Variants in FLYWCH1 observed in about 807,000 individuals in gnomAD.
The protein encoded by FLYWCH1 is FLYWCH-type zinc finger-containing protein 1.
A neutral mutation model predicts 66.4 loss-of-function variants in FLYWCH1; 75 were observed. The ratio of observed to expected loss-of-function variants is 1.13; its 90% CI spans 0.94 to 1.37. The LOEUF (loss-of-function observed/expected upper bound fraction) is 1.37. FLYWCH1 is among the 40% of genes most tolerant of loss of function. FLYWCH1 has a pLI of 0.00. For missense variants in FLYWCH1, 1,334 were observed against 1,001.8 expected (o/e 1.33, Z -4.48); for synonymous variants, 595 against 429.9 (o/e 1.38, Z -4.75).
chr16:2,914,467 G>A (rs1441026958), intron 2 of FLYWCH1, among the ~76,000 whole-genome samples, 178 bp downstream of exon 2: 1 of 152,196 alleles, frequency 6.6e-6, no homozygotes, highest in Non-Finnish European at 1.5e-5. Flanking sequence ...TAGGCCATCT[G>A]GCATTGCACT....
chr16:2,920,505 C>G lies in FLYWCH1; in HGVS notation c.-74+6216C>G, dbSNP rs554536723. ...CTCCAGCCTGGGTGGCCGTGAGACT[C>G]TGTCTTAAAAAAAAAAAAAAACACT... is the stretch of plus-strand genomic sequence containing the variant. On this transcript the variant is annotated intron_variant, in intron 2 of 9. Transcript: ENST00000253928. 8.1e-5 allele frequency among the ~76,000 whole-genome samples: 11 copies of G among 136,436 alleles called. No individual in the cohort carries two copies. In the South Asian group the frequency reaches 2.7e-3, roughly 34 times the overall value. The allele number at this position is 136,436 out of a possible 152,430, so 89.5% of individuals were successfully genotyped here.
rs749841044 is a variant in FLYWCH1, at chr16:2,948,568, T to C, written c.2112-120T>C. Reference sequence around the variant, plus strand: ...ACAGAGCAAGATTCCGTCTCAAAAATAAATGTTCTAGACTGTGGCATCCCC... The same window carrying C: ...ACAGAGCAAGATTCCGTCTCAAAAACAAATGTTCTAGACTGTGGCATCCCC... On this transcript the variant is annotated intron_variant, in intron 9 of 9. Transcript: ENST00000253928. The C allele has an allele frequency of 2.9e-4, 305 of 1,050,060 alleles. 1 individual carries two copies. The highest frequency in any genetic ancestry group is 3.9e-4 in the Admixed American group (19 of 48,584). The allele number at this position is 1,050,060 out of a possible 1,614,324, so 65.0% of individuals were successfully genotyped here.
chr16:2,923,525 C>T (rs928865350), intron 2 of FLYWCH1, among the ~76,000 whole-genome samples: 11 of 152,116 alleles, frequency 7.2e-5, no homozygotes, highest in African/African-American at 2.2e-4. Context: ...GGATGGCAGG[C>T]GTGAGCCACA....
Position 2,933,164 on chromosome 16 carries a change from C to G in FLYWCH1, c.831C>G (p.Cys277Trp), listed in dbSNP as rs1048538609. ...QARPLEFLRT[C>W]YGGSFLVHES... ...GGCCCCTCGAGTTCCTGAGGACGTGCTACGGGGGCAGCTTCCTGGTACACG... is the reference window on the plus strand; with the variant it reads ...GGCCCCTCGAGTTCCTGAGGACGTGGTACGGGGGCAGCTTCCTGGTACACG... Residue 277 changes from cysteine (C) to tryptophan (W), a missense_variant, in exon 5 of 10, where the codon TGC (cysteine) becomes TGG (tryptophan). Coordinates refer to ENST00000253928, the MANE Select transcript of FLYWCH1 (RefSeq NM_001308068.2). The G allele has an allele frequency of 2.5e-6, 4 of 1,613,672 alleles. No homozygotes were observed. The highest frequency in any genetic ancestry group is 2.2e-5 in the East Asian group (1 of 44,856).
intron 8 of FLYWCH1, 104 bp downstream of exon 8, chr16:2,938,560 G>T (rs1000739076): frequency 1.3e-5 from 14 of 1,038,070 alleles, no homozygotes; most frequent in Admixed American, 3.1e-5. Context: ...GACTGCTTTT[G>T]TGCACACACA....
At position 2,944,047 on chromosome 16, in the gene FLYWCH1, G is replaced by A. The variant is rs374614213; in HGVS notation, c.2111+3955G>A. Among the ~76,000 whole-genome samples, 115 of 152,084 alleles carry A rather than the reference G, an allele frequency of 7.6e-4. 4 individuals carry two copies. The South Asian group carries it at 0.012, about 16-fold the overall frequency. On this transcript the variant is annotated intron_variant, in intron 9 of 9. Coordinates refer to ENST00000253928, the MANE Select transcript of FLYWCH1 (RefSeq NM_001308068.2). ...GGAGGTTGAGGCTGCAGTGAGCTGT[G>A]ATCATGCATCTACACTCCAGCCCAG...
At chr16:2,938,677 A>G (rs1441306884) in intron 8 of FLYWCH1, among the ~76,000 whole-genome samples, 22 of 142,008 alleles carry the variant, frequency 1.5e-4, no homozygotes, top group African/African-American at 5.8e-4. Flanking sequence ...CACTGGCGCG[A>G]TCTCGGCTCA....
chr16:2,921,054 G>C (rs1489574612), intron 2 of FLYWCH1, among the ~76,000 whole-genome samples: 1 of 150,246 alleles, frequency 6.7e-6, no homozygotes, highest in Non-Finnish European at 1.5e-5. Context: ...TGTTAGCCCG[G>C]ATGGTCTCGA....
intron 2 of FLYWCH1, chr16:2,928,745 T>C (rs2070657231): frequency 6.6e-6 from 1 of 152,274 alleles, no homozygotes; most frequent in Non-Finnish European, 1.5e-5. Context: ...CCCCACACCA[T>C]GACTGCCACT....
At chr16:2,944,162 G>T (rs569091297) in intron 9 of FLYWCH1, among the ~76,000 whole-genome samples, 17 of 151,564 alleles carry the variant, frequency 1.1e-4, no homozygotes, top group Non-Finnish European at 2.2e-4. Context: ...TGAGGCGGGC[G>T]GATCACCTGA....
At chr16:2,936,665 TTCC>T (rs754349899) in intron 6 of FLYWCH1, 21 of 459,962 alleles carry the variant, frequency 4.6e-5, no homozygotes, top group Non-Finnish European at 8.3e-5. Context: ...TCCCTGCCTC[TTCC>T]TCAGAGTCCT....
At position 2,929,623 on chromosome 16, in the gene FLYWCH1, C is replaced by T. The variant is rs569166141; in HGVS notation, c.-63C>T. ...TGCTTCCTTCCTTAGGACGGAACCA[C>T]TGCACTCCAGGTTCCTTGCTGGGTG... is the stretch of plus-strand genomic sequence containing the variant. On this transcript the variant is annotated 5_prime_UTR_variant, in exon 3 of 10. Coordinates refer to ENST00000253928, the MANE Select transcript of FLYWCH1 (RefSeq NM_001308068.2). 398 of 1,534,206 alleles carry T rather than the reference C, an allele frequency of 2.6e-4. No individual in the cohort carries two copies. The highest frequency in any genetic ancestry group is 1.9e-4 in the Non-Finnish European group (217 of 1,139,292).
intron 9 of FLYWCH1, among the ~76,000 whole-genome samples, chr16:2,940,964 C>G (rs1270288516): frequency 1.3e-5 from 2 of 152,138 alleles, no homozygotes; most frequent in Non-Finnish European, 2.9e-5. Flanking sequence ...AACCCCATCT[C>G]TACTAAAAAT....
chr16:2,934,087 C>A, intron 6 of FLYWCH1, 108 bp downstream of exon 6: 1 of 1,305,980 alleles, frequency 7.7e-7, no homozygotes, highest in Non-Finnish European at 1.0e-6. Flanking sequence ...CTCTTCCCTT[C>A]TTTGAACATC....
At chr16:2,935,926 T>C (rs2070979494) in intron 6 of FLYWCH1, 1 of 153,576 alleles carries the variant, frequency 6.5e-6, no homozygotes. Flanking sequence ...TTTTTTTTTT[T>C]TTGAGACAGT....
rs2070846955 is a variant in FLYWCH1 at position 2,933,359 on chromosome 16, G to A, written c.1026G>A (p.Arg342=). 2 of 1,603,984 alleles carry A rather than the reference G, an allele frequency of 1.2e-6. No individual in the cohort carries two copies. The highest frequency in any genetic ancestry group is 8.5e-7 in the Non-Finnish European group (1 of 1,175,884). The stretch of plus-strand genomic sequence containing the variant: ...ATATGGAGGGCCTGGAAGCCCGGCG[G>A]CAGCAGGAGAAGGCCGTGGAGACGC... The part of the protein sequence containing the change: ...QPDMEGLEAR[R]QQEKAVETLQ... Residue 342 remains arginine, a synonymous_variant, in exon 5 of 10, where the codon CGG becomes CGA. Transcript: ENST00000253928.
At chr16:2,941,068 C>A (rs2071243203) in intron 9 of FLYWCH1, among the ~76,000 whole-genome samples, 1 of 152,170 alleles carries the variant, frequency 6.6e-6, no homozygotes, top group Admixed American at 6.5e-5. Context: ...CACTGCACTC[C>A]AGCCTAGGTG....
intron 4 of FLYWCH1, among the ~76,000 whole-genome samples, chr16:2,932,807 C>T (rs1382515347): frequency 6.6e-6 from 1 of 151,750 alleles, no homozygotes; most frequent in Non-Finnish European, 1.5e-5. Flanking sequence ...CTTGATGCAA[C>T]ATTGAGCAGG....
chr16:2,937,560 G>A (rs904672470), intron 7 of FLYWCH1, among the ~76,000 whole-genome samples, 176 bp downstream of exon 7: 5 of 152,216 alleles, frequency 3.3e-5, no homozygotes, highest in Non-Finnish European at 5.9e-5. Flanking sequence ...TCCTGCAGCT[G>A]GTCCTCTGGG....
Sources: allele counts gnomAD v4.1 joint callset (sites outside exome capture counted in the v4.1 genomes callset), GRCh38; gene constraint gnomAD v4.1.1; transcripts MANE v1.5; gene names NCBI Gene and HGNC (gene_info 2026-07-23, HGNC 2026-07-21).